HS6ST3: variants seen among roughly 807,000 people sequenced by gnomAD.
The protein encoded by HS6ST3 is heparan-sulfate 6-O-sulfotransferase 3.
In HS6ST3, 12 loss-of-function variants were observed where a neutral mutation model predicts 36.7. That is an observed-to-expected ratio of 0.33 (90% CI 0.21 to 0.53). The LOEUF (loss-of-function observed/expected upper bound fraction) is 0.53. HS6ST3 is among the 20% of genes least tolerant of loss of function. HS6ST3 has a pLI of 0.95. For missense variants in HS6ST3, 584 were observed against 640.9 expected (o/e 0.91, Z 0.96); for synonymous variants, 240 against 257.5 (o/e 0.93, Z 0.65).
intron 1 of HS6ST3, among the ~76,000 whole-genome samples, chr13:96,764,569 C>T (rs982408417): frequency 2.6e-5 from 4 of 152,212 alleles, no homozygotes; most frequent in Non-Finnish European, 5.9e-5. Context: ...GGTAGATGGG[C>T]AGGATGGTCT....
chr13:96,516,418 A>G (rs2056073130), intron 1 of HS6ST3, among the ~76,000 whole-genome samples: 1 of 152,070 alleles, frequency 6.6e-6, no homozygotes, highest in Non-Finnish European at 1.5e-5. Flanking sequence ...TATACCTCTC[A>G]TCTCTATATT....
chr13:96,623,889 G>A (rs2056503561), intron 1 of HS6ST3, among the ~76,000 whole-genome samples: 2 of 152,094 alleles, frequency 1.3e-5, no homozygotes, highest in South Asian at 4.1e-4. Flanking sequence ...AATTCAACAA[G>A]CGTTTATTTA....
intron 1 of HS6ST3, among the ~76,000 whole-genome samples, chr13:96,785,990 G>A (rs896600519): frequency 6.6e-6 from 1 of 152,110 alleles, no homozygotes; most frequent in Admixed American, 6.6e-5. Flanking sequence ...AAAAACCTAT[G>A]GCTTTCCATT....
At chr13:96,262,859 AT>A (rs1162113363) in intron 1 of HS6ST3, among the ~76,000 whole-genome samples, 4 of 152,022 alleles carry the variant, frequency 2.6e-5, no homozygotes, top group African/African-American at 9.7e-5. Flanking sequence ...CCCTGAATTT[AT>A]TTATATTATT....
chr13:96,709,299 C>T (rs532521631), intron 1 of HS6ST3, among the ~76,000 whole-genome samples: 1 of 152,214 alleles, frequency 6.6e-6, no homozygotes, highest in East Asian at 1.9e-4. Context: ...TATAAATTAC[C>T]CAGTCTCAGG....
At chr13:96,322,598 T>C (rs2055009857) in intron 1 of HS6ST3, among the ~76,000 whole-genome samples, 1 of 151,560 alleles carries the variant, frequency 6.6e-6, no homozygotes, top group Non-Finnish European at 1.5e-5. Flanking sequence ...TAAAGTAAAA[T>C]AAAATAAAAT....
chr13:96,152,269 C>G (rs1181621103), intron 1 of HS6ST3, among the ~76,000 whole-genome samples: 1 of 150,184 alleles, frequency 6.7e-6, no homozygotes, highest in South Asian at 2.1e-4. Flanking sequence ...CCAGTTGAGA[C>G]TGTTTCTAGC....
chr13:96,103,027 A>G (rs1486008786), intron 1 of HS6ST3, among the ~76,000 whole-genome samples: 1 of 152,292 alleles, frequency 6.6e-6, no homozygotes, highest in Non-Finnish European at 1.5e-5. Context: ...TCTTTTTAAA[A>G]TTAATTTTAA....
intron 1 of HS6ST3, among the ~76,000 whole-genome samples, chr13:96,225,131 A>T (rs2054474124): frequency 6.6e-6 from 1 of 152,214 alleles, no homozygotes; most frequent in South Asian, 2.1e-4. Context: ...GATCAGAGAC[A>T]TTTTTTGTAG....
At chr13:96,462,077 T>G (rs779762069) in intron 1 of HS6ST3, among the ~76,000 whole-genome samples, 2 of 152,174 alleles carry the variant, frequency 1.3e-5, no homozygotes, top group Non-Finnish European at 2.9e-5. Flanking sequence ...CTTTTGTTTT[T>G]CAGGCAGGGT....
At chr13:96,368,426 T>G (rs2055273936) in intron 1 of HS6ST3, among the ~76,000 whole-genome samples, 1 of 151,924 alleles carries the variant, frequency 6.6e-6, no homozygotes, top group African/African-American at 2.4e-5. Context: ...GCTGGTAGAC[T>G]CGTTCGATGA....
At chr13:96,765,582 CTCTCTT>C (rs1306457440) in intron 1 of HS6ST3, among the ~76,000 whole-genome samples, 145 of 116,744 alleles carry the variant, frequency 1.2e-3, no homozygotes, top group Non-Finnish European at 1.9e-3. Context: ...TATGCGCTCT[CTCTCTT>C]TCTCTCTCTC....
chr13:96,670,695 C>T (rs1043633492), intron 1 of HS6ST3, among the ~76,000 whole-genome samples: 1 of 152,082 alleles, frequency 6.6e-6, no homozygotes, highest in Non-Finnish European at 1.5e-5. Context: ...AAATATTGAA[C>T]TGTTCTTTTT....
chr13:96,705,261 C>A (rs1875389085), intron 1 of HS6ST3, among the ~76,000 whole-genome samples: 1 of 152,170 alleles, frequency 6.6e-6, no homozygotes, highest in African/African-American at 2.4e-5. Flanking sequence ...CCTAAAAATT[C>A]TCTTTGTTCT....
chr13:96,236,408 A>G (rs541912469), intron 1 of HS6ST3, among the ~76,000 whole-genome samples: 22 of 152,146 alleles, frequency 1.4e-4, no homozygotes, highest in Middle Eastern at 3.4e-3. Context: ...TGGTTCCCTT[A>G]TCTTTTCAAA....
At chr13:96,566,610 T>C (rs943987198) in intron 1 of HS6ST3, among the ~76,000 whole-genome samples, 1 of 152,096 alleles carries the variant, frequency 6.6e-6, no homozygotes, top group African/African-American at 2.4e-5. Context: ...AGTCCCAATA[T>C]GACAACTGGG....
At chr13:96,808,304 G>T (rs1240540217) in intron 1 of HS6ST3, among the ~76,000 whole-genome samples, 1 of 152,182 alleles carries the variant, frequency 6.6e-6, no homozygotes, top group Non-Finnish European at 1.5e-5. Flanking sequence ...TTGTGGCTGG[G>T]TGGGACCATG....
At chr13:96,535,761 A>G (rs969999082) in intron 1 of HS6ST3, among the ~76,000 whole-genome samples, 2 of 152,112 alleles carry the variant, frequency 1.3e-5, no homozygotes, top group Non-Finnish European at 2.9e-5. Context: ...AACATAATGC[A>G]TCTTCTAGAG....
rs186063758 is a variant in HS6ST3 at position 96,399,576 on chromosome 13, C to T, written c.707+308007C>T. Among the ~76,000 whole-genome samples, 20 of 152,260 alleles carry T rather than the reference C, an allele frequency of 1.3e-4. No homozygotes were observed. In the East Asian group the frequency reaches 3.3e-3, roughly 25 times the overall value. The stretch of plus-strand genomic sequence containing the variant: ...GTTTATTTCTAGAAGTGAAGAAATG[C>T]GCAGAGTTACTTTGTACAAATATAA... On this transcript the variant is annotated intron_variant, in intron 1 of 1. Transcript: ENST00000376705.
Sources: allele counts gnomAD v4.1 joint callset (sites outside exome capture counted in the v4.1 genomes callset), GRCh38; gene constraint gnomAD v4.1.1; transcripts MANE v1.5; gene names NCBI Gene and HGNC (gene_info 2026-07-23, HGNC 2026-07-21).